Variants in MAN1A2 observed in about 807,000 individuals in gnomAD.
The protein encoded by MAN1A2 is mannosyl-oligosaccharide 1,2-alpha-mannosidase IB.
MAN1A2 carries 26 observed loss-of-function variants against 75.7 expected under a neutral mutation model. The observed-to-expected ratio is 0.34, with a 90% confidence interval of 0.25 to 0.48. MAN1A2 has a LOEUF of 0.48. Ranked by LOEUF, MAN1A2 falls within the 20% of genes least tolerant of loss-of-function variation. MAN1A2 has a pLI of 0.99. For synonymous variants in MAN1A2, 247 were observed against 264.6 expected (o/e 0.93, Z 0.65); for missense variants, 562 against 775.5 (o/e 0.72, Z 3.27).
At chr1:117,430,178 T>C (rs1648569982) in intron 5 of MAN1A2, among the ~76,000 whole-genome samples, 1 of 87,850 alleles carries the variant, frequency 1.1e-5, no homozygotes, top group Non-Finnish European at 2.3e-5. Context: ...GCCCCTCACC[T>C]CCCGGACGGG....
chr1:117,502,956 T>G lies in MAN1A2; in HGVS notation c.1779T>G (p.Leu593=). ...ATGATGTACAGCAGAGCTTTTTTCT[T>G]GCTGAAACATTAAAGTAAGTATATA... ...THDDVQQSFF[L]AETLKYLYLL... is the part of the protein sequence containing the mutation. Residue 593 remains leucine, a synonymous_variant, in exon 12 of 13, where the codon CTT becomes CTG. Transcript: ENST00000356554. The G allele has an allele frequency of 6.3e-7, 1 of 1,584,578 alleles. No homozygotes were observed. Among genetic ancestry groups the G allele is most frequent in the South Asian group, 1.1e-5 (1 of 87,722 alleles).
intron 1 of MAN1A2, among the ~76,000 whole-genome samples, chr1:117,381,410 C>A (rs577923312): frequency 1.8e-4 from 28 of 152,186 alleles, no homozygotes; most frequent in African/African-American, 6.0e-4. Context: ...TGTTCAATTG[C>A]CATCTATGAG....
In MAN1A2 at chr1:117,526,874, C is replaced by CTATA. The variant is rs1339657740; in HGVS notation, c.*3918_*3919insATAT. On this transcript the variant is annotated 3_prime_UTR_variant, in exon 13 of 13. Coordinates refer to ENST00000356554, the MANE Select transcript of MAN1A2 (RefSeq NM_006699.5). The stretch of plus-strand genomic sequence containing the variant: ...TCTCTCTCTCTCTCTCTCTCTCTCT[C>CTATA]TCTCTCTATATATATATATATATAT... 9 of 73,964 alleles carry CTATA rather than the reference C, an allele frequency of 1.2e-4. No individual in the cohort carries two copies. Among genetic ancestry groups the CTATA allele is most frequent in the South Asian group, 7.8e-4 (2 of 2,562 alleles). The allele number at this position is 73,964 out of a possible 1,614,324, so 4.6% of individuals were successfully genotyped here. A position where few individuals can be genotyped will look rare whatever the true frequency, so the allele number is the denominator to read the frequency against.
intron 6 of MAN1A2, among the ~76,000 whole-genome samples, chr1:117,445,443 A>T (rs938980874): frequency 6.6e-6 from 1 of 152,166 alleles, no homozygotes; most frequent in Admixed American, 6.6e-5. Context: ...TGTTTGATAG[A>T]TAGACCTAAA....
At chr1:117,445,071 C>T (rs898272999) in intron 6 of MAN1A2, among the ~76,000 whole-genome samples, 4 of 152,174 alleles carry the variant, frequency 2.6e-5, no homozygotes, top group South Asian at 2.1e-4. Flanking sequence ...GTTGTTTTAT[C>T]ATGAATGGAT....
At chr1:117,407,858 T>C (rs766549012) in intron 3 of MAN1A2, among the ~76,000 whole-genome samples, 6 of 152,180 alleles carry the variant, frequency 3.9e-5, no homozygotes, top group Non-Finnish European at 8.8e-5. Context: ...AAGCTTCATA[T>C]CTTCATACTA....
chr1:117,429,586 C>G (rs1258552504), intron 5 of MAN1A2, among the ~76,000 whole-genome samples: 12 of 94,714 alleles, frequency 1.3e-4, no homozygotes, highest in South Asian at 3.6e-4. Flanking sequence ...GGGGGCTGAC[C>G]CCCCCACCTC....
chr1:117,419,132 T>C (rs1289406753), intron 4 of MAN1A2, among the ~76,000 whole-genome samples: 1 of 150,326 alleles, frequency 6.7e-6, no homozygotes, highest in Non-Finnish European at 1.5e-5. Flanking sequence ...TCAAAGAGGT[T>C]GTAGGGGATC....
chr1:117,492,814 A>G (rs1382833026), intron 8 of MAN1A2, among the ~76,000 whole-genome samples: 1 of 152,058 alleles, frequency 6.6e-6, no homozygotes, highest in Admixed American at 6.6e-5. Flanking sequence ...ATTTATTTAA[A>G]GCTATTAATA....
intron 5 of MAN1A2, among the ~76,000 whole-genome samples, chr1:117,438,323 C>CT (rs141467989): frequency 0.11 from 16,550 of 152,070 alleles, 1,021 homozygotes; most frequent in Non-Finnish European, 0.14. Flanking sequence ...GAAAGAAAAT[C>CT]TTTTTGTACA....
intron 6 of MAN1A2, 139 bp from the exon 7 acceptor site, chr1:117,460,350 A>G (rs1649776992): frequency 5.7e-6 from 3 of 526,502 alleles, no homozygotes; most frequent in Non-Finnish European, 6.5e-6. Context: ...AATTTTTAAT[A>G]CAATTTTAGA....
intron 5 of MAN1A2, among the ~76,000 whole-genome samples, chr1:117,429,987 C>A (rs1298652647): frequency 3.2e-5 from 2 of 61,564 alleles, no homozygotes; most frequent in African/African-American, 6.9e-5. Context: ...GGAGGGCTGA[C>A]CCCCCCACCT....
intron 6 of MAN1A2, among the ~76,000 whole-genome samples, chr1:117,452,880 A>T (rs933365437): frequency 1.4e-4 from 21 of 152,210 alleles, no homozygotes; most frequent in African/African-American, 5.1e-4. Context: ...AGCTAAAGAG[A>T]AGTCAATGCT....
intron 4 of MAN1A2, among the ~76,000 whole-genome samples, chr1:117,415,043 A>G (rs2101771848): frequency 6.6e-6 from 1 of 152,110 alleles, no homozygotes; most frequent in Admixed American, 6.6e-5. Flanking sequence ...ATATATTTTA[A>G]AGTTGAGTAA....
chr1:117,500,415 T>A (rs1252399196), intron 11 of MAN1A2, among the ~76,000 whole-genome samples: 1 of 151,940 alleles, frequency 6.6e-6, no homozygotes, highest in Non-Finnish European at 1.5e-5. Flanking sequence ...TCCTTGACTT[T>A]TGAGAATTCC....
At chr1:117,492,711 T>A (rs1433512249) in intron 8 of MAN1A2, among the ~76,000 whole-genome samples, 1 of 152,096 alleles carries the variant, frequency 6.6e-6, no homozygotes, top group African/African-American at 2.4e-5. Context: ...GCTTAGGAAT[T>A]ACCATTAACC....
chr1:117,424,127 T>C (rs777609937), intron 5 of MAN1A2, among the ~76,000 whole-genome samples: 2 of 152,224 alleles, frequency 1.3e-5, no homozygotes, highest in Non-Finnish European at 2.9e-5. Context: ...AACAATCATG[T>C]CATTAGTAAA....
intron 3 of MAN1A2, among the ~76,000 whole-genome samples, chr1:117,410,638 A>G (rs1208110251): frequency 1.3e-5 from 2 of 151,694 alleles, no homozygotes; most frequent in Admixed American, 6.6e-5. Context: ...AAAAAAAAGA[A>G]TAAAGATTGG....
chr1:117,423,241 T>G lies in MAN1A2; in HGVS notation c.855+2592T>G, dbSNP rs142192367. ...GACATTCTGTTTTGTTCTCTTGATT[T>G]ATGTGTCTGTCTTTGGTACTACCAC... On this transcript the variant is annotated intron_variant, in intron 5 of 12. Coordinates refer to ENST00000356554, the MANE Select transcript of MAN1A2 (RefSeq NM_006699.5). Among the ~76,000 whole-genome samples, 564 of 152,322 alleles carry G rather than the reference T, an allele frequency of 3.7e-3. 4 individuals are homozygous for G. The highest frequency in any genetic ancestry group is 0.013 in the African/African-American group (543 of 41,576).
Sources: gnomAD v4.1 joint callset for allele counts (sites outside exome capture counted in the v4.1 genomes callset) on GRCh38, gnomAD v4.1.1 for gene constraint, MANE v1.5 for transcripts, NCBI Gene and HGNC (gene_info 2026-07-23, HGNC 2026-07-21) for gene names.